Variants in SYNE2 observed in about 807,000 individuals in gnomAD.
SYNE2 encodes the protein spectrin repeat containing nuclear envelope protein 2.
Under a neutral mutation model 856.3 loss-of-function variants are expected in SYNE2, and 431 were observed. The observed-to-expected ratio is 0.50, with a 90% confidence interval of 0.47 to 0.55. The LOEUF (loss-of-function observed/expected upper bound fraction) is 0.55, where lower values mean the gene tolerates loss of function less well. Among genes scored for constraint, SYNE2 ranks in the 20% least tolerant of loss-of-function variants. SYNE2 has a pLI of 0.00. For missense variants in SYNE2, 8,129 were observed against 8,023.2 expected, an observed-to-expected ratio of 1.01 and a Z score of -0.50; for synonymous variants, 2,923 against 2,872.3, an observed-to-expected ratio of 1.02 and a Z score of -0.56.
chr14:63,948,732 G>GTATATATATGTATATATA (rs1566883191), intron 6 of SYNE2, among the ~76,000 whole-genome samples: 7 of 60,552 alleles, frequency 1.2e-4, no homozygotes, highest in African/African-American at 3.7e-4. Context: ...GTATATATAT[G>GTATATATATGTATATATA]TGTATAGATA....
At chr14:63,916,272 AC>A (rs1313970631) in intron 2 of SYNE2, among the ~76,000 whole-genome samples, 1 of 152,206 alleles carries the variant, frequency 6.6e-6, no homozygotes, top group East Asian at 1.9e-4. Flanking sequence ...AGAATAAAAA[AC>A]GTACTGTATA....
chr14:64,202,265 G>A (rs1194426125), intron 99 of SYNE2: 9 of 702,332 alleles, frequency 1.3e-5, no homozygotes, highest in East Asian at 2.7e-5. Context: ...ATACTGAAGC[G>A]GTAGGGCTTG....
At chr14:64,219,124 T>TTTTTTTTAA in intron 109 of SYNE2, 84 bp from the exon 110 acceptor site, 2 of 845,412 alleles carry the variant, frequency 2.4e-6, no homozygotes, top group East Asian at 3.0e-5. Context: ...TTTTTTTTTT[T>TTTTTTTTAA]AACCACCCTG....
chr14:63,914,766 A>G (rs2095514937), intron 2 of SYNE2, among the ~76,000 whole-genome samples: 1 of 152,108 alleles, frequency 6.6e-6, no homozygotes, highest in African/African-American at 2.4e-5. Context: ...TACTAACTTT[A>G]TTTAGTGTGT....
chr14:63,813,940 C>A (rs1888720107), intron 1 of SYNE2, among the ~76,000 whole-genome samples: 1 of 152,050 alleles, frequency 6.6e-6, no homozygotes, highest in Admixed American at 6.6e-5. Flanking sequence ...CTGTAGTAGT[C>A]CCAGCTACTC....
chr14:63,767,869 A>G (rs1442030683), intron 1 of SYNE2, among the ~76,000 whole-genome samples: 1 of 152,156 alleles, frequency 6.6e-6, no homozygotes, highest in Non-Finnish European at 1.5e-5. Context: ...ACATCATTTC[A>G]CATTTTTTTG....
intron 96 of SYNE2, among the ~76,000 whole-genome samples, chr14:64,183,104 T>A (rs2098468378): frequency 1.4e-5 from 2 of 144,228 alleles, no homozygotes; most frequent in South Asian, 4.3e-4. Context: ...GCGGAGGGGC[T>A]CCTCACTTCT....
chr14:63,830,840 C>T (rs373380765), intron 1 of SYNE2, among the ~76,000 whole-genome samples: 84 of 108,626 alleles, frequency 7.7e-4, no homozygotes, highest in African/African-American at 1.5e-3. Context: ...TGATCCCATT[C>T]TTTTTTTTTT....
rs919156017 is a variant in SYNE2, at chr14:63,847,313, G to A, written c.-304-5188G>A. 2.0e-5 allele frequency among the ~76,000 whole-genome samples: 3 copies of A among 151,558 alleles called. 1 individual carries two copies. Among genetic ancestry groups the A allele is most frequent in the South Asian group, 4.2e-4 (2 of 4,784 alleles). On this transcript the variant is annotated intron_variant, in intron 1 of 23. Coordinates refer to the SYNE2 transcript ENST00000674003. ...ATAATAATAATAATAAATTAGTTGG[G>A]TGTGGTGGCATGTGCCTGCTGTAGT...
intron 43 of SYNE2, 77 bp downstream of exon 43, chr14:64,027,870 G>C: frequency 9.0e-7 from 1 of 1,105,016 alleles, no homozygotes; most frequent in Non-Finnish European, 1.3e-6. Context: ...GGAACTATCT[G>C]TTGTTGTTGT....
intron 107 of SYNE2, chr14:64,215,645 G>A: frequency 1.9e-6 from 1 of 533,760 alleles, no homozygotes; most frequent in East Asian, 3.3e-5. Flanking sequence ...CCATCTAACT[G>A]AAGTCCTTTG....
rs891372304 is a variant in SYNE2, at chr14:64,202,255, A to T, written c.18039-546A>T. 5 of 702,202 alleles carry T rather than the reference A, an allele frequency of 7.1e-6. No homozygotes were observed. The East Asian group carries it at 1.1e-4, about 15-fold the overall frequency. 43.5% of individuals were successfully genotyped at this position (702,202 alleles called of 1,614,324 possible). A position where few individuals can be genotyped will look rare whatever the true frequency, so the allele number is the denominator to read the frequency against. On this transcript the variant is annotated intron_variant, in intron 99 of 115. Coordinates refer to ENST00000555002, the MANE Select transcript of SYNE2 (RefSeq NM_182914.3). ...ATGTATACGGCTGGGTGAACCCCTCATACTGAAGCGGTAGGGCTTGGCACA... is the reference window on the plus strand; with the variant it reads ...ATGTATACGGCTGGGTGAACCCCTCTTACTGAAGCGGTAGGGCTTGGCACA...
chr14:64,176,771 T>G (rs776461753), intron 95 of SYNE2, among the ~76,000 whole-genome samples: 1 of 150,120 alleles, frequency 6.7e-6, no homozygotes, highest in African/African-American at 2.5e-5. Context: ...GAGGAAGAAC[T>G]TTTTTATTTT....
Position 63,980,988 on chromosome 14 carries a change from G to C in SYNE2, c.1651G>C (p.Gly551Arg), listed in dbSNP as rs776186332. The change falls in exon 16 of 116, where the codon GGA (glycine) becomes CGA (arginine). Residue 551 changes from glycine to arginine, a missense_variant and splice_region_variant. Physicochemically the swap from Gly to Arg is moderately radical, Grantham distance 125. Around this residue, in one of 3 missense-constraint regions of SYNE2, gnomAD observed 2,422 missense variants for 2,357.4 expected, o/e 1.03. Coordinates refer to ENST00000555002, the MANE Select transcript of SYNE2 (RefSeq NM_182914.3). ...KCGEIYKNLAGECQNINKQYM... is the reference protein window; with the variant it reads ...KCGEIYKNLARECQNINKQYM... ...TTTTTGTTTTGTTAATATTGTAGCT[G>C]GAGAATGTCAGAATATTAATAAACA... The C allele has an allele frequency of 1.3e-6, 2 of 1,544,858 alleles. No homozygotes were observed. Among genetic ancestry groups the C allele is most frequent in the South Asian group, 2.3e-5 (2 of 85,114 alleles).
chr14:63,998,895 T>G lies in SYNE2; in HGVS notation c.3354-19T>G, dbSNP rs2096733281. The G allele has an allele frequency of 1.9e-6, 3 of 1,613,472 alleles. No homozygotes were observed. The highest frequency in any genetic ancestry group is 2.5e-6 in the Non-Finnish European group (3 of 1,179,688). On this transcript the variant is annotated intron_variant, in intron 26 of 115. Coordinates refer to ENST00000555002, the MANE Select transcript of SYNE2 (RefSeq NM_182914.3). ...TTTTAAAAATTAACTATTGTGATGTTGCATTTCATTTTGCCCAGGTATGAT... is the reference window on the plus strand; with the variant it reads ...TTTTAAAAATTAACTATTGTGATGTGGCATTTCATTTTGCCCAGGTATGAT...
At position 64,167,364 on chromosome 14, in the gene SYNE2, G is replaced by T. The variant is rs147156341; in HGVS notation, c.16737G>T (p.Thr5579=). The T allele has an allele frequency of 2.5e-6, 4 of 1,614,216 alleles. No homozygotes were observed. In the African/African-American group the frequency reaches 4.0e-5, roughly 16 times the overall value. The part of the protein sequence containing the change: ...QNMNRQWIRA[T]ATALERCSEL... ...TGAACCGGCAATGGATTCGGGCCAC[G>T]GCCACGGCACTGGAGCGCTGCAGGT... The change falls in exon 91 of 116, where the codon ACG becomes ACT. Residue 5579 remains threonine, a synonymous_variant. Coordinates refer to ENST00000555002, the MANE Select transcript of SYNE2 (RefSeq NM_182914.3).
At chr14:64,083,926 A>G (rs2097541565) in intron 57 of SYNE2, among the ~76,000 whole-genome samples, 1 of 144,958 alleles carries the variant, frequency 6.9e-6, no homozygotes, top group South Asian at 2.2e-4. Context: ...TAGAAAACTA[A>G]TTTTTTTTTT....
intron 67 of SYNE2, among the ~76,000 whole-genome samples, chr14:64,120,055 G>T (rs952806958): frequency 9.9e-5 from 15 of 152,142 alleles, no homozygotes; most frequent in Non-Finnish European, 1.6e-4. Context: ...TATAATCAAA[G>T]TATCATATAA....
rs1299003838 is a variant in SYNE2 at position 64,158,561 on chromosome 14, A to T, written c.15793-64A>T. On this transcript the variant is annotated intron_variant, in intron 85 of 115. Transcript: ENST00000555002. ...ATGCCTAAATTGGACACAATGGTAG[A>T]TCTGTTGGAGAGCATGTCTTCTCAG... The T allele has an allele frequency of 2.6e-6, 4 of 1,552,882 alleles. No individual in the cohort carries two copies. The African/African-American group carries it at 4.1e-5, about 16-fold the overall frequency.
Sources: allele counts gnomAD v4.1 joint callset (sites outside exome capture counted in the v4.1 genomes callset), GRCh38; gene constraint gnomAD v4.1.1; regional missense constraint gnomAD v4.1.1; transcripts MANE v1.5; gene names NCBI Gene and HGNC (gene_info 2026-07-23, HGNC 2026-07-21).